Variants in PCDHA9 observed in about 807,000 individuals in gnomAD.
PCDHA9 encodes the protein protocadherin alpha 9, also known as protocadherin alpha-9.
PCDHA9 carries 62 observed loss-of-function variants against 62.0 expected under a neutral mutation model. The ratio of observed to expected loss-of-function variants is 1.00; its 90% CI spans 0.81 to 1.23. The LOEUF (loss-of-function observed/expected upper bound fraction) is 1.23. Ranked by LOEUF, PCDHA9 falls within the 50% of genes most tolerant of loss-of-function variation. The probability of loss-of-function intolerance (pLI) is 0.00; values close to 1 mark genes in which losing one functional copy is unlikely to be tolerated. For synonymous variants in PCDHA9, 557 were observed against 567.6 expected (o/e 0.98, Z 0.27); for missense variants, 1,205 against 1,249.8 (o/e 0.96, Z 0.54).
At chr5:140,856,540 C>A (rs1554148838) in intron 1 of PCDHA9, 1 of 1,598,162 alleles carries the variant, frequency 6.3e-7, no homozygotes, top group African/African-American at 1.3e-5. Context: ...TTGGAGAGAA[C>A]GCATTGCTTA....
intron 1 of PCDHA9, chr5:140,927,441 G>A: frequency 5.0e-6 from 8 of 1,614,130 alleles, no homozygotes; most frequent in Non-Finnish European, 4.2e-6. Context: ...GCGAATACCC[G>A]GAGTTGGTGT....
Position 140,950,516 on chromosome 5 carries a change from G to A in PCDHA9, c.2395-28433G>A, listed in dbSNP as rs184772904. ...ATTTAAGTCATTATTCCCTGTGTGCGATATGATTGTTTTTGTTGCTCTTGC... is the reference window on the plus strand; with the variant it reads ...ATTTAAGTCATTATTCCCTGTGTGCAATATGATTGTTTTTGTTGCTCTTGC... On this transcript the variant is annotated intron_variant, in intron 1 of 3. Coordinates refer to ENST00000532602, the MANE Select transcript of PCDHA9 (RefSeq NM_031857.2). Among the ~76,000 whole-genome samples, 6 of 152,110 alleles carry A rather than the reference G, an allele frequency of 3.9e-5. No individual in the cohort carries two copies. The East Asian group carries it at 9.6e-4, about 24-fold the overall frequency.
intron 1 of PCDHA9, chr5:140,870,265 C>G (rs782376161): frequency 6.2e-7 from 1 of 1,614,214 alleles, no homozygotes; most frequent in Non-Finnish European, 8.5e-7. Flanking sequence ...GACCTGCTCG[C>G]TGACGCCCCA....
At chr5:140,991,025 A>G (rs1440890555) in intron 3 of PCDHA9, among the ~76,000 whole-genome samples, 2 of 152,208 alleles carry the variant, frequency 1.3e-5, no homozygotes, top group African/African-American at 4.8e-5. Flanking sequence ...CACTTTACAT[A>G]TGTTGCATAC....
At chr5:140,904,018 A>G (rs2070774543) in intron 1 of PCDHA9, among the ~76,000 whole-genome samples, 1 of 152,198 alleles carries the variant, frequency 6.6e-6, no homozygotes. Context: ...TTAAAAAATA[A>G]TGGTATAATT....
At chr5:140,882,814 A>T in intron 1 of PCDHA9, 1 of 1,614,248 alleles carries the variant, frequency 6.2e-7, no homozygotes, top group East Asian at 2.2e-5. Context: ...CTTTGGACGC[A>T]CAAAACAGTC....
In PCDHA9 at chr5:140,856,944, G is replaced by C. The variant is rs1424566635; in HGVS notation, c.2394+6055G>C. Reference sequence around the variant, plus strand: ...AAATTTTGGATAAACGAAAGGACGGGAGAAATAAAAGTAAATGATGCTATT... The same window carrying C: ...AAATTTTGGATAAACGAAAGGACGGCAGAAATAAAAGTAAATGATGCTATT... On this transcript the variant is annotated intron_variant, in intron 1 of 3. Transcript: ENST00000532602. 8.8e-6 allele frequency: 14 copies of C among 1,593,558 alleles called. 1 individual carries two copies. The highest frequency in any genetic ancestry group is 1.3e-5 in the African/African-American group (1 of 74,212).
At position 140,997,829 on chromosome 5, in the gene PCDHA9, C is replaced by G. The variant is rs1294994549; in HGVS notation, c.2543-11798C>G. On this transcript the variant is annotated intron_variant, in intron 3 of 3. Transcript: ENST00000532602. ...GCTGTTGGTATCTATGTTTTCTAAA[C>G]AATACAATATACATTCTTATACATA... 2.0e-5 allele frequency among the ~76,000 whole-genome samples: 3 copies of G among 152,190 alleles called. No homozygotes were observed. The East Asian group carries it at 5.8e-4, about 29-fold the overall frequency.
At chr5:140,927,610 A>C in intron 1 of PCDHA9, 2 of 1,614,162 alleles carry the variant, frequency 1.2e-6, no homozygotes, top group Non-Finnish European at 1.7e-6. Flanking sequence ...CGTATACCGC[A>C]CCAAGGTTCC....
chr5:140,992,017 C>CTGTG (rs10602499), intron 3 of PCDHA9, among the ~76,000 whole-genome samples: 5,022 of 145,578 alleles, frequency 0.034, 175 homozygotes, highest in African/African-American at 0.093. Context: ...AGAGGTGGCT[C>CTGTG]TGTGTGTGTG....
chr5:140,902,956 G>A (rs1356131798), intron 1 of PCDHA9, among the ~76,000 whole-genome samples: 3 of 152,242 alleles, frequency 2.0e-5, no homozygotes, highest in Non-Finnish European at 4.4e-5. Context: ...TTATCCACTT[G>A]TTGGCTGATG....
chr5:140,854,663 C>G (rs1359601461), intron 1 of PCDHA9: 1 of 149,774 alleles, frequency 6.7e-6, no homozygotes, highest in Non-Finnish European at 1.5e-5. Context: ...TAAATTAACC[C>G]TTGCATAAGA....
chr5:140,978,295 A>G (rs1222694864), intron 1 of PCDHA9, among the ~76,000 whole-genome samples: 2 of 152,246 alleles, frequency 1.3e-5, no homozygotes, highest in Non-Finnish European at 2.9e-5. Context: ...GAGGAGGGAA[A>G]GCACTCAGGA....
chr5:140,886,463 GT>G (rs1387154249), intron 1 of PCDHA9, among the ~76,000 whole-genome samples: 5 of 152,042 alleles, frequency 3.3e-5, no homozygotes, highest in East Asian at 1.9e-4. Flanking sequence ...ATATATAAAT[GT>G]TTTTAAAATG....
rs1002607780 is a variant in PCDHA9 at position 141,011,898 on chromosome 5, T to G, written c.*1961T>G. 1.8e-4 allele frequency: 27 copies of G among 148,586 alleles called. 1 individual carries two copies. Among genetic ancestry groups the G allele is most frequent in the Admixed American group, 1.5e-3 (23 of 15,026 alleles). The allele number at this position is 148,586 out of a possible 1,614,324, so 9.2% of individuals were successfully genotyped here. On this transcript the variant is annotated 3_prime_UTR_variant, in exon 4 of 4. Coordinates refer to ENST00000532602, the MANE Select transcript of PCDHA9 (RefSeq NM_031857.2). ...TAGAAGTTTGATTAATTATATTATC[T>G]ATTTAGGCATTAATATAAAAGAGGT...
chr5:140,906,646 G>GT (rs35557065), intron 1 of PCDHA9, among the ~76,000 whole-genome samples: 1 of 152,192 alleles, frequency 6.6e-6, no homozygotes, highest in Non-Finnish European at 1.5e-5. Context: ...GCAGGTAGTG[G>GT]TTTTTTCCTG....
intron 3 of PCDHA9, among the ~76,000 whole-genome samples, chr5:140,998,021 C>T (rs2097794085): frequency 6.6e-6 from 1 of 152,152 alleles, no homozygotes; most frequent in Non-Finnish European, 1.5e-5. Context: ...CCACCTCGAG[C>T]TAGTGCTATA....
intron 1 of PCDHA9, chr5:140,875,535 T>C (rs1554167741): frequency 3.1e-6 from 5 of 1,614,134 alleles, no homozygotes; most frequent in Admixed American, 3.3e-5. Context: ...TTCTGCTCCT[T>C]GCAGCCTGGG....
chr5:140,981,687 A>ATCAT (rs200213847), intron 2 of PCDHA9, among the ~76,000 whole-genome samples: 1,547 of 152,086 alleles, frequency 0.01, 18 homozygotes, highest in African/African-American at 0.031. Flanking sequence ...CCTCCCTTCC[A>ATCAT]TCATTCATTC....
Sources: allele counts gnomAD v4.1 joint callset (sites outside exome capture counted in the v4.1 genomes callset), GRCh38; gene constraint gnomAD v4.1.1; transcripts MANE v1.5; gene names NCBI Gene and HGNC (gene_info 2026-07-23, HGNC 2026-07-21).